Variants in SLMAP observed in about 807,000 individuals in gnomAD.
SLMAP encodes sarcolemmal membrane-associated protein.
SLMAP carries 44 observed loss-of-function variants against 128.8 expected under a neutral mutation model. That is an observed-to-expected ratio of 0.34 (90% CI 0.27 to 0.44). The LOEUF is 0.44. SLMAP is among the 20% of genes least tolerant of loss of function. The pLI, the probability that SLMAP is intolerant of heterozygous loss-of-function variation, is 1.00. For synonymous variants in SLMAP, 327 were observed against 348.8 expected (o/e 0.94, Z 0.70); for missense variants, 787 against 985.3 (o/e 0.80, Z 2.69).
intron 5 of SLMAP, among the ~76,000 whole-genome samples, chr3:57,849,313 G>A (rs1200386854): frequency 6.6e-6 from 1 of 152,078 alleles, no homozygotes; most frequent in Non-Finnish European, 1.5e-5. Flanking sequence ...ATGACTTACA[G>A]TGTTTAAACA....
At chr3:57,762,462 T>C (rs2078880931) in intron 2 of SLMAP, among the ~76,000 whole-genome samples, 1 of 152,146 alleles carries the variant, frequency 6.6e-6, no homozygotes, top group African/African-American at 2.4e-5. Flanking sequence ...CTGCAAAATG[T>C]AGGCAGGTGG....
intron 2 of SLMAP, among the ~76,000 whole-genome samples, chr3:57,812,358 C>G (rs1286604507): frequency 6.6e-6 from 1 of 152,088 alleles, no homozygotes; most frequent in East Asian, 1.9e-4. Flanking sequence ...TCTTGGCACC[C>G]TTGGACATAA....
chr3:57,779,029 A>G (rs1200259523), intron 2 of SLMAP, among the ~76,000 whole-genome samples: 1 of 152,152 alleles, frequency 6.6e-6, no homozygotes, highest in Non-Finnish European at 1.5e-5. Flanking sequence ...ATAATAGCAA[A>G]CATCCAAATG....
At chr3:57,894,378 A>G (rs1462240330) in intron 15 of SLMAP, among the ~76,000 whole-genome samples, 1 of 152,184 alleles carries the variant, frequency 6.6e-6, no homozygotes, top group Non-Finnish European at 1.5e-5. Context: ...TATATCTTGA[A>G]TAGTTTTCAT....
intron 3 of SLMAP, among the ~76,000 whole-genome samples, chr3:57,838,904 T>C (rs2093774206): frequency 6.6e-6 from 1 of 152,154 alleles, no homozygotes; most frequent in African/African-American, 2.4e-5. Flanking sequence ...TGGCCATGGT[T>C]ATTGTGCTGG....
intron 2 of SLMAP, among the ~76,000 whole-genome samples, chr3:57,763,511 G>A (rs1407711698): frequency 6.6e-6 from 1 of 152,050 alleles, no homozygotes; most frequent in East Asian, 1.9e-4. Flanking sequence ...CTGAGCTTAG[G>A]CAATCCACCC....
chr3:57,925,644 T>C (rs932498046), intron 23 of SLMAP, among the ~76,000 whole-genome samples: 10 of 152,346 alleles, frequency 6.6e-5, no homozygotes, highest in Non-Finnish European at 1.3e-4. Context: ...CCTTTTAAAC[T>C]GATAGTTTCC....
chr3:57,816,409 G>T (rs2091868833), intron 2 of SLMAP, among the ~76,000 whole-genome samples: 1 of 152,158 alleles, frequency 6.6e-6, no homozygotes, highest in African/African-American at 2.4e-5. Context: ...CTCCCAAAGT[G>T]CTGGGATTAC....
chr3:57,835,103 C>CAG (rs2093565905), intron 3 of SLMAP, among the ~76,000 whole-genome samples: 2 of 106,276 alleles, frequency 1.9e-5, no homozygotes, highest in African/African-American at 7.6e-5. Context: ...GCCTGAGCAA[C>CAG]AGAGCCAGAC....
intron 2 of SLMAP, among the ~76,000 whole-genome samples, chr3:57,784,488 C>G (rs538227470): frequency 5.3e-5 from 8 of 152,136 alleles, no homozygotes; most frequent in Non-Finnish European, 1.2e-4. Flanking sequence ...GAGTGTCTGT[C>G]CTATGCCTGT....
chr3:57,886,071 T>G (rs1292099753), intron 14 of SLMAP, among the ~76,000 whole-genome samples: 1 of 149,554 alleles, frequency 6.7e-6, no homozygotes, highest in African/African-American at 2.5e-5. Flanking sequence ...CATGAGCCAA[T>G]GCGCCCAAGA....
At chr3:57,825,942 CA>C (rs2092898294) in intron 2 of SLMAP, among the ~76,000 whole-genome samples, 1 of 152,082 alleles carries the variant, frequency 6.6e-6, no homozygotes, top group Non-Finnish European at 1.5e-5. Flanking sequence ...AGACTTTTAA[CA>C]AAGTTGGTTC....
At position 57,831,522 on chromosome 3, in the gene SLMAP, C is replaced by T. The variant is rs1323279260; in HGVS notation, c.338C>T (p.Thr113Ile). 6.4e-7 allele frequency: 1 copy of T among 1,551,694 alleles called. No homozygotes were observed. Among genetic ancestry groups the T allele is most frequent in the East Asian group, 2.3e-5 (1 of 43,164 alleles). The change falls in exon 3 of 25, where the codon ACA (threonine) becomes ATA (isoleucine). Residue 113 changes from threonine (T) to isoleucine (I), a missense_variant. Thr to Ile is a moderately conservative substitution (Grantham distance 89). This residue lies in a region of SLMAP where 715 missense variants were observed against 843.6 expected (regional missense o/e 0.85). Coordinates refer to ENST00000671191, the MANE Select transcript of SLMAP (RefSeq NM_001377540.1). ...TTTGGAGTAGACGTGACAGAGAATA[C>T]ACGGAAAGGTACGGGTATGGATCAC... ...IQFGVDVTEN[T>I]RKVTHGCIVS... is the part of the protein sequence containing the mutation.
chr3:57,870,253 A>T (rs1266505299), intron 13 of SLMAP, among the ~76,000 whole-genome samples: 6 of 152,140 alleles, frequency 3.9e-5, no homozygotes, highest in Admixed American at 3.9e-4. Flanking sequence ...CTAAAATGGG[A>T]TTTATGAAAA....
chr3:57,819,556 T>C lies in SLMAP; in HGVS notation c.199-11827T>C, dbSNP rs545459936. On this transcript the variant is annotated intron_variant, in intron 2 of 24. Coordinates refer to ENST00000671191, the MANE Select transcript of SLMAP (RefSeq NM_001377540.1). ...AATCTTTAATGGAAATTTTTTTCTT[T>C]TAGTTTCTCTCTCTCCTACCTCTTA... Among the ~76,000 whole-genome samples, 504 of 152,308 alleles carry C rather than the reference T, an allele frequency of 3.3e-3. 3 individuals carry two copies. The highest frequency in any genetic ancestry group is 5.8e-3 in the Non-Finnish European group (395 of 68,028).
chr3:57,891,416 T>C (rs1041497928), intron 15 of SLMAP, among the ~76,000 whole-genome samples: 2 of 152,222 alleles, frequency 1.3e-5, no homozygotes, highest in African/African-American at 4.8e-5. Context: ...TATAGTTTGA[T>C]ACATTTAATG....
chr3:57,775,402 T>G (rs1022775022), intron 2 of SLMAP, among the ~76,000 whole-genome samples: 2 of 151,250 alleles, frequency 1.3e-5, no homozygotes, highest in African/African-American at 4.9e-5. Flanking sequence ...GCCAGGCATA[T>G]TGGCTTACGC....
At chr3:57,887,752 T>C (rs2095936108) in intron 14 of SLMAP, among the ~76,000 whole-genome samples, 3 of 152,150 alleles carry the variant, frequency 2.0e-5, no homozygotes, top group Admixed American at 2.0e-4. Flanking sequence ...GCATCAGTCC[T>C]ATGAATCTTC....
intron 6 of SLMAP, among the ~76,000 whole-genome samples, chr3:57,851,464 AT>A (rs1481203907): frequency 4.7e-4 from 68 of 144,914 alleles, no homozygotes; most frequent in Non-Finnish European, 8.6e-4. Context: ...AGACTGAGGT[AT>A]TTTTTGTTTT....
Sources: allele counts gnomAD v4.1 joint callset (sites outside exome capture counted in the v4.1 genomes callset), GRCh38; gene constraint gnomAD v4.1.1; regional missense constraint gnomAD v4.1.1; transcripts MANE v1.5; gene names NCBI Gene and HGNC (gene_info 2026-07-23, HGNC 2026-07-21).